ZNF804B: variants seen among roughly 807,000 people sequenced by gnomAD.
ZNF804B encodes zinc finger 804B.
Under a neutral mutation model 101.4 loss-of-function variants are expected in ZNF804B, and 80 were observed. The ratio of observed to expected loss-of-function variants is 0.79; its 90% CI spans 0.66 to 0.95. ZNF804B has a LOEUF of 0.95. ZNF804B is among the 40% of genes least tolerant of loss of function. The probability of loss-of-function intolerance (pLI) is 0.00; values close to 1 mark genes in which losing one functional copy is unlikely to be tolerated. For missense variants in ZNF804B, 1,673 were observed against 1,561.9 expected (o/e 1.07, Z -1.20); for synonymous variants, 622 against 558.8 (o/e 1.11, Z -1.59).
intron 2 of ZNF804B, among the ~76,000 whole-genome samples, chr7:89,297,634 T>C (rs1011276661): frequency 6.6e-6 from 1 of 152,022 alleles, no homozygotes; most frequent in African/African-American, 2.4e-5. Context: ...TTGATGTAGT[T>C]TCAGATTTAC....
intron 1 of ZNF804B, among the ~76,000 whole-genome samples, chr7:88,868,465 T>C (rs1791770897): frequency 6.6e-6 from 1 of 152,226 alleles, no homozygotes; most frequent in Admixed American, 6.5e-5. Context: ...AAAATAATTT[T>C]TACCTCTTTT....
At chr7:88,832,885 T>A (rs1258634111) in intron 1 of ZNF804B, among the ~76,000 whole-genome samples, 1 of 151,852 alleles carries the variant, frequency 6.6e-6, no homozygotes, top group Non-Finnish European at 1.5e-5. Flanking sequence ...GATAGCCACA[T>A]TGAAAAAAGC....
rs76060515 is a variant in ZNF804B, at chr7:89,309,079, C to T, written c.250-18265C>T. 0.041 allele frequency among the ~76,000 whole-genome samples: 6,221 copies of T among 152,138 alleles called. 1,109 individuals carry two copies. The East Asian group carries it at 0.57, about 14-fold the overall frequency. ...TACTGAGGTTTAGGTTTCTAATGAT[C>T]CCATCATCCAAGTAGTGAACATAGT... On this transcript the variant is annotated intron_variant, in intron 2 of 3. Transcript: ENST00000333190.
intron 1 of ZNF804B, among the ~76,000 whole-genome samples, chr7:89,064,984 T>C (rs1429547258): frequency 6.6e-6 from 1 of 152,056 alleles, no homozygotes; most frequent in African/African-American, 2.4e-5. Context: ...GAAGGGAAAT[T>C]GCCTTGGTGC....
intron 2 of ZNF804B, among the ~76,000 whole-genome samples, chr7:89,262,272 G>A (rs1027358283): frequency 1.3e-5 from 2 of 152,166 alleles, no homozygotes; most frequent in Non-Finnish European, 2.9e-5. Context: ...TCTTTCGTCA[G>A]TCATGGGAGT....
At chr7:89,171,427 CT>C (rs990062702) in intron 1 of ZNF804B, among the ~76,000 whole-genome samples, 3 of 150,004 alleles carry the variant, frequency 2.0e-5, no homozygotes, top group African/African-American at 7.4e-5. Context: ...TCTCCTTCTC[CT>C]TCTCCTTCTC....
At chr7:89,223,624 T>TATTTATTTATTC (rs1789038511) in intron 2 of ZNF804B, among the ~76,000 whole-genome samples, 1 of 151,062 alleles carries the variant, frequency 6.6e-6, no homozygotes, top group Non-Finnish European at 1.5e-5. Flanking sequence ...TTTATTTATT[T>TATTTATTTATTC]ATTTATTTAT....
At chr7:89,131,046 C>T (rs12704439) in intron 1 of ZNF804B, among the ~76,000 whole-genome samples, 40,738 of 151,848 alleles carry the variant, frequency 0.27, 5,501 homozygotes, top group Admixed American at 0.32. Flanking sequence ...TGTATAGAAG[C>T]AGGGGAGCAC....
intron 1 of ZNF804B, among the ~76,000 whole-genome samples, chr7:88,896,231 A>G (rs1792283394): frequency 6.6e-6 from 1 of 152,216 alleles, no homozygotes; most frequent in Non-Finnish European, 1.5e-5. Context: ...AGTTTAGTTC[A>G]TGGTAATTTA....
In ZNF804B at chr7:89,334,680, T is replaced by G; in HGVS notation, c.1698T>G (p.Tyr566Ter). Reference protein sequence around the residue: ...YSDSEPNKSEYTFSANDLEMK... With the variant: ...YSDSEPNKSE ...ATTCTGAGCCAAATAAGAGTGAATA[T>G]ACTTTCAGTGCAAATGATTTGGAAA... Residue 566 changes from tyrosine to a stop codon, truncating the protein, a stop_gained, in exon 4 of 4, where the codon TAT (tyrosine) becomes TAG (stop). Transcript: ENST00000333190. LOFTEE classifies it high-confidence loss of function. 6.2e-7 allele frequency: 1 copy of G among 1,613,712 alleles called. No homozygotes were observed. Among genetic ancestry groups the G allele is most frequent in the Non-Finnish European group, 8.5e-7 (1 of 1,179,828 alleles).
chr7:88,975,047 T>C (rs1184441578), intron 1 of ZNF804B, among the ~76,000 whole-genome samples: 1 of 151,584 alleles, frequency 6.6e-6, no homozygotes, highest in Middle Eastern at 3.2e-3. Flanking sequence ...TTTCCATGCC[T>C]GGCTTATTTC....
chr7:88,919,597 A>C (rs2115994240), intron 1 of ZNF804B, among the ~76,000 whole-genome samples: 1 of 152,262 alleles, frequency 6.6e-6, no homozygotes, highest in African/African-American at 2.4e-5. Context: ...TTGGCTAACA[A>C]GTATATTTTC....
intron 2 of ZNF804B, among the ~76,000 whole-genome samples, chr7:89,272,395 T>G (rs1186339939): frequency 6.6e-6 from 1 of 152,132 alleles, no homozygotes; most frequent in Non-Finnish European, 1.5e-5. Flanking sequence ...AAGGTTTTGT[T>G]AAAATTGATT....
intron 1 of ZNF804B, among the ~76,000 whole-genome samples, chr7:88,854,435 CTT>C (rs1369011140): frequency 1.6e-5 from 2 of 123,710 alleles, no homozygotes; most frequent in South Asian, 2.8e-4. Context: ...TTCTTTCTTT[CTT>C]TCTTTCTTTC....
chr7:88,917,096 C>G (rs376970421), intron 1 of ZNF804B, among the ~76,000 whole-genome samples: 1 of 151,908 alleles, frequency 6.6e-6, no homozygotes, highest in Admixed American at 6.6e-5. Flanking sequence ...GAAACTCTGT[C>G]TCTACTAAAA....
At chr7:88,922,142 A>G (rs12674264) in intron 1 of ZNF804B, among the ~76,000 whole-genome samples, 18,551 of 151,976 alleles carry the variant, frequency 0.12, 1,272 homozygotes, top group South Asian at 0.19. Flanking sequence ...TTCTCAACCT[A>G]TTAGTCCCAT....
Position 89,336,549 on chromosome 7 carries a change from C to A in ZNF804B, c.3567C>A (p.Phe1189Leu). ...RVLPAAGPTA[F>L]SPASTVQTVP... ...TGCCTGCTGCAGGGCCTACTGCCTT[C>A]TCTCCGGCCTCAACCGTACAGACAG... is the stretch of plus-strand genomic sequence containing the variant. The change falls in exon 4 of 4, where the codon TTC becomes TTA. Residue 1189 changes from phenylalanine to leucine, a missense_variant. Coordinates refer to ENST00000333190, the MANE Select transcript of ZNF804B (RefSeq NM_181646.5). The A allele has an allele frequency of 6.2e-7, 1 of 1,614,102 alleles. No homozygotes were observed. Among genetic ancestry groups the A allele is most frequent in the Non-Finnish European group, 8.5e-7 (1 of 1,180,008 alleles).
intron 1 of ZNF804B, among the ~76,000 whole-genome samples, chr7:89,171,432 CCTTCTCCTTCTT>C (rs1318245425): frequency 6.7e-6 from 1 of 148,238 alleles, no homozygotes; most frequent in African/African-American, 2.5e-5. Flanking sequence ...TTCTCCTTCT[CCTTCTCCTTCTT>C]CTTCTTCTTC....
chr7:88,832,440 G>A (rs900037203), intron 1 of ZNF804B, among the ~76,000 whole-genome samples: 1 of 151,996 alleles, frequency 6.6e-6, no homozygotes, highest in South Asian at 2.1e-4. Context: ...TGGAAGATGC[G>A]CATGGCTTGT....
Sources: gnomAD v4.1 joint callset for allele counts (sites outside exome capture counted in the v4.1 genomes callset) on GRCh38, gnomAD v4.1.1 for gene constraint, MANE v1.5 for transcripts, NCBI Gene and HGNC (gene_info 2026-07-23, HGNC 2026-07-21) for gene names.